The following ANKRD17 variants were observed in gnomAD, a reference collection of about 807,000 sequenced individuals.
ANKRD17 encodes ankyrin repeat domain 17, also known as ankyrin repeat domain-containing protein 17.
A neutral mutation model predicts 229.7 loss-of-function variants in ANKRD17; 19 were observed. The observed-to-expected ratio is 0.08, with a 90% CI of 0.06 to 0.12. The LOEUF is 0.12. ANKRD17 is among the 10% of genes least tolerant of loss of function. The pLI, the probability that ANKRD17 is intolerant of heterozygous loss-of-function variation, is 1.00. For missense variants in ANKRD17, 2,176 were observed against 3,176.8 expected (o/e 0.68, Z 7.57); for synonymous variants, 1,112 against 1,146.1 (o/e 0.97, Z 0.60).
chr4:73,251,115 C>A (rs1215077889), intron 1 of ANKRD17, among the ~76,000 whole-genome samples: 1 of 152,186 alleles, frequency 6.6e-6, no homozygotes, highest in East Asian at 1.9e-4. Context: ...TACACACACA[C>A]AAAAAGTTGA....
intron 16 of ANKRD17, among the ~76,000 whole-genome samples, chr4:73,133,449 G>A (rs1728497450): frequency 7.0e-6 from 1 of 143,458 alleles, no homozygotes; most frequent in African/African-American, 2.6e-5. Context: ...GGAGTGCAGT[G>A]GCATGATCTC....
chr4:73,207,873 CAG>C (rs1433384051), intron 1 of ANKRD17, among the ~76,000 whole-genome samples: 1 of 152,020 alleles, frequency 6.6e-6, no homozygotes, highest in Non-Finnish European at 1.5e-5. Context: ...AACAAGTAGA[CAG>C]AAAAATCAGT....
intron 25 of ANKRD17, among the ~76,000 whole-genome samples, 167 bp downstream of exon 25, chr4:73,102,209 C>T (rs571949634): frequency 6.6e-6 from 1 of 152,138 alleles, no homozygotes; most frequent in African/African-American, 2.4e-5. Context: ...GACTCGCTCA[C>T]CTTGACCTGC....
intron 1 of ANKRD17, among the ~76,000 whole-genome samples, chr4:73,248,601 T>C (rs1215952755): frequency 1.3e-5 from 2 of 152,012 alleles, no homozygotes. Context: ...AACTATTAGC[T>C]AATAATCATA....
At chr4:73,120,661 G>A (rs1459425999) in intron 20 of ANKRD17, among the ~76,000 whole-genome samples, 3 of 151,448 alleles carry the variant, frequency 2.0e-5, no homozygotes, top group Admixed American at 2.0e-4. Flanking sequence ...CTCTTTTTCA[G>A]CTGATAATCC....
chr4:73,172,333 A>C (rs1239255613), intron 2 of ANKRD17, among the ~76,000 whole-genome samples: 2 of 152,198 alleles, frequency 1.3e-5, no homozygotes, highest in East Asian at 3.9e-4. Context: ...TATATCCCTT[A>C]AACATGAAGG....
At chr4:73,128,839 A>G (rs1192849213) in intron 16 of ANKRD17, among the ~76,000 whole-genome samples, 1 of 152,224 alleles carries the variant, frequency 6.6e-6, no homozygotes, top group Non-Finnish European at 1.5e-5. Flanking sequence ...TGACAGAAAT[A>G]TCACTCTATT....
At chr4:73,119,892 G>A (rs923366828) in intron 21 of ANKRD17, among the ~76,000 whole-genome samples, 7 of 152,228 alleles carry the variant, frequency 4.6e-5, no homozygotes, top group Middle Eastern at 3.4e-3. Flanking sequence ...GATAACAGAT[G>A]GATGTTCAAA....
At chr4:73,110,787 C>G (rs1240962895) in intron 24 of ANKRD17, among the ~76,000 whole-genome samples, 2 of 152,032 alleles carry the variant, frequency 1.3e-5, no homozygotes, top group African/African-American at 2.4e-5. Flanking sequence ...CACGTTCACT[C>G]AAAACTATAC....
intron 29 of ANKRD17, among the ~76,000 whole-genome samples, chr4:73,087,887 G>T (rs1722364558): frequency 6.6e-6 from 1 of 151,634 alleles, no homozygotes; most frequent in Non-Finnish European, 1.5e-5. Context: ...AGGAAAGAAG[G>T]ATGAAGAAGG....
At chr4:73,184,374 C>T (rs998094885) in intron 1 of ANKRD17, among the ~76,000 whole-genome samples, 13 of 151,614 alleles carry the variant, frequency 8.6e-5, no homozygotes, top group Admixed American at 5.9e-4. Flanking sequence ...ATTTAAAATA[C>T]AAAAATTAGC....
chr4:73,156,319 C>G (rs1360063222), intron 3 of ANKRD17, among the ~76,000 whole-genome samples, 153 bp from the exon 4 acceptor site: 1 of 152,208 alleles, frequency 6.6e-6, no homozygotes, highest in African/African-American at 2.4e-5. Context: ...AATCAGCTCA[C>G]TGCAGCCTTA....
Position 73,192,362 on chromosome 4 carries a change from A to G in ANKRD17, c.394-14829T>C, listed in dbSNP as rs188170660. Among the ~76,000 whole-genome samples the G allele has an allele frequency of 2.2e-3, 336 of 152,200 alleles. 1 individual carries two copies. The highest frequency in any genetic ancestry group is 0.017 in the South Asian group (80 of 4,828). ...AGCCTGAAGCAAAAAAAACAAAAAC[A>G]AAAACAAAAACATGGTATGTACCTA... is the stretch of plus-strand genomic sequence containing the variant. On this transcript the variant is annotated intron_variant, in intron 1 of 33. Coordinates refer to ENST00000358602, the MANE Select transcript of ANKRD17 (RefSeq NM_032217.5).
chr4:73,124,338 T>A (rs905058244), intron 18 of ANKRD17, among the ~76,000 whole-genome samples: 4 of 134,598 alleles, frequency 3.0e-5, no homozygotes, highest in African/African-American at 5.7e-5. Flanking sequence ...ACAAGATACA[T>A]AAGTGAGTGT....
intron 1 of ANKRD17, among the ~76,000 whole-genome samples, chr4:73,212,847 C>G (rs1396169845): frequency 1.3e-5 from 2 of 150,300 alleles, no homozygotes; most frequent in Non-Finnish European, 3.0e-5. Flanking sequence ...GAAACCCCGT[C>G]TCTACTAAAA....
In ANKRD17 at chr4:73,248,884, T is replaced by G. The variant is rs1026656070; in HGVS notation, c.393+9392A>C. Among the ~76,000 whole-genome samples, 23 of 152,158 alleles carry G rather than the reference T, an allele frequency of 1.5e-4. No homozygotes were observed. In the Middle Eastern group the frequency reaches 0.01, roughly 68 times the overall value. On this transcript the variant is annotated intron_variant, in intron 1 of 33. Coordinates refer to ENST00000358602, the MANE Select transcript of ANKRD17 (RefSeq NM_032217.5). The stretch of plus-strand genomic sequence containing the variant: ...ACTCCTGTAGGAGTTAATTCTAGTA[T>G]GTGCTATACTAGAGGCTTTGAAACA...
chr4:73,078,871 T>C lies in ANKRD17; in HGVS notation c.7179A>G (p.Val2393=). Reference sequence around the variant, plus strand: ...GAGATGGTGCACGAACTCCCGAGGATACTGACTGTGCAGAAGAATCTAGAG... The same window carrying C: ...GAGATGGTGCACGAACTCCCGAGGACACTGACTGTGCAGAAGAATCTAGAG... The part of the protein sequence containing the change: ...SASNDSSAQS[V]SSGVRAPSPA... The change falls in exon 31 of 34, where the codon GTA becomes GTG. Residue 2393 remains valine, a synonymous_variant. Coordinates refer to ENST00000358602, the MANE Select transcript of ANKRD17 (RefSeq NM_032217.5). The C allele has an allele frequency of 6.2e-7, 1 of 1,614,148 alleles. No individual in the cohort carries two copies. Among genetic ancestry groups the C allele is most frequent in the Non-Finnish European group, 8.5e-7 (1 of 1,180,010 alleles).
intron 2 of ANKRD17, among the ~76,000 whole-genome samples, chr4:73,173,359 C>A (rs1245247593): frequency 6.6e-6 from 1 of 152,128 alleles, no homozygotes; most frequent in Non-Finnish European, 1.5e-5. Context: ...TAGACTTTAA[C>A]ATTCCACTTT....
At chr4:73,083,486 G>T (rs1046393868) in intron 30 of ANKRD17, among the ~76,000 whole-genome samples, 8 of 152,154 alleles carry the variant, frequency 5.3e-5, no homozygotes, top group Non-Finnish European at 1.0e-4. Context: ...TTAGGCGAAG[G>T]AAATATGGAT....
Sources: gnomAD v4.1 joint callset for allele counts (sites outside exome capture counted in the v4.1 genomes callset) on GRCh38, gnomAD v4.1.1 for gene constraint, MANE v1.5 for transcripts, NCBI Gene and HGNC (gene_info 2026-07-23, HGNC 2026-07-21) for gene names.